TNRC6C: variants seen among roughly 807,000 people sequenced by gnomAD.
The protein encoded by TNRC6C is trinucleotide repeat containing adaptor 6C.
TNRC6C carries 20 observed loss-of-function variants against 153.7 expected under a neutral mutation model. The observed-to-expected ratio is 0.13, with a 90% confidence interval of 0.09 to 0.19. TNRC6C has a LOEUF of 0.19. Ranked by LOEUF, TNRC6C falls within the 10% of genes least tolerant of loss-of-function variation. The pLI is 1.00. For missense variants in TNRC6C, 1,987 were observed against 2,172.0 expected (o/e 0.91, Z 1.69); for synonymous variants, 811 against 841.4 (o/e 0.96, Z 0.63).
chr17:78,010,867 T>C (rs2071615495), intron 1 of TNRC6C, among the ~76,000 whole-genome samples: 1 of 152,226 alleles, frequency 6.6e-6, no homozygotes, highest in African/African-American at 2.4e-5. Flanking sequence ...GGTAAAAATG[T>C]ATTGCCAGAA....
chr17:78,074,991 GC>G lies in TNRC6C; in HGVS notation c.2918-144del, dbSNP rs1467014485. ...CCTTGTTGGGCTCAGCCCTAGCAAA[GC>G]AAGGGCTCTCTCTGCCCCTGGCTTC... On this transcript the variant is annotated intron_variant, in intron 7 of 19. Coordinates refer to ENST00000301624, the Ensembl canonical transcript of TNRC6C. 6.3e-6 allele frequency: 7 copies of G among 1,112,612 alleles called. No homozygotes were observed. In the African/African-American group the frequency reaches 1.1e-4, roughly 18 times the overall value. 68.9% of individuals were successfully genotyped at this position (1,112,612 alleles called of 1,614,324 possible).
chr17:77,985,601 C>CAAAAAAAAAAAAAAAAAAAAAAAAAAAAA (rs1229331703), intron 1 of TNRC6C, among the ~76,000 whole-genome samples: 1 of 96,244 alleles, frequency 1.0e-5, no homozygotes, highest in African/African-American at 4.2e-5. Context: ...GACTCCGTCT[C>CAAAAAAAAAAAAAAAAAAAAAAAAAAAAA]AAAAAAAAAA....
intron 11 of TNRC6C, among the ~76,000 whole-genome samples, chr17:78,083,793 T>C (rs571567947): frequency 6.6e-6 from 1 of 152,350 alleles, no homozygotes; most frequent in Non-Finnish European, 1.5e-5. Flanking sequence ...CTTGAAAGTT[T>C]TGTAGCTTCA....
chr17:78,001,707 A>G (rs747918039), upstream of TNRC6C, among the ~76,000 whole-genome samples: 33 of 152,336 alleles, frequency 2.2e-4, 1 homozygote, highest in South Asian at 8.3e-4. Flanking sequence ...GTTTAAGTAT[A>G]TATGTTTTTA....
At chr17:77,966,160 C>T (rs946285594) in intron 1 of TNRC6C, among the ~76,000 whole-genome samples, 2 of 152,086 alleles carry the variant, frequency 1.3e-5, no homozygotes, top group African/African-American at 2.4e-5. Flanking sequence ...ATAGTAGGGA[C>T]GGGATATAGT....
chr17:78,018,034 T>C (rs891337627), intron 1 of TNRC6C, among the ~76,000 whole-genome samples: 1 of 152,242 alleles, frequency 6.6e-6, no homozygotes, highest in Non-Finnish European at 1.5e-5. Context: ...GTGAAATCAT[T>C]TTAAAGATAA....
intron 2 of TNRC6C, among the ~76,000 whole-genome samples, chr17:78,039,348 A>G (rs1198113842): frequency 9.0e-6 from 1 of 111,000 alleles, no homozygotes; most frequent in African/African-American, 3.7e-5. Flanking sequence ...CAGGTCAGCC[A>G]TCCCCTCTGT....
At chr17:78,062,945 TTA>T (rs2072797112) in intron 3 of TNRC6C, among the ~76,000 whole-genome samples, 1 of 152,122 alleles carries the variant, frequency 6.6e-6, no homozygotes, top group Admixed American at 6.5e-5. Context: ...ACAGAAGACA[TTA>T]TTAAGAAAAT....
At chr17:78,045,395 C>T (rs1215661164) in intron 2 of TNRC6C, among the ~76,000 whole-genome samples, 1 of 152,092 alleles carries the variant, frequency 6.6e-6, no homozygotes, top group Admixed American at 6.5e-5. Context: ...GTAGAAGTGA[C>T]TTTGCTTCCT....
At chr17:77,990,226 T>TAA (rs2071229052) in intron 1 of TNRC6C, among the ~76,000 whole-genome samples, 1 of 152,206 alleles carries the variant, frequency 6.6e-6, no homozygotes, top group African/African-American at 2.4e-5. Context: ...TCTAAACTCT[T>TAA]ATATTGACTG....
Position 78,075,433 on chromosome 17 carries a change from T to C in TNRC6C, c.3060+155T>C, listed in dbSNP as rs544611728. 2 of 848,904 alleles carry C rather than the reference T, an allele frequency of 2.4e-6. No individual in the cohort carries two copies. The highest frequency in any genetic ancestry group is 5.9e-5 in the Admixed American group (2 of 34,082). The allele number at this position is 848,904 out of a possible 1,614,324, so 52.6% of individuals were successfully genotyped here. A position where few individuals can be genotyped will look rare whatever the true frequency, so the allele number is the denominator to read the frequency against. On this transcript the variant is annotated intron_variant, in intron 8 of 19. Transcript: ENST00000301624. This position sits in a 1 kb window ranked among gnomAD's most constrained non-coding sequence, Gnocchi z 4.2. Reference sequence around the variant, plus strand: ...TTTTCTAACATTATGAACATTTAACTCAAAGAAGGGAATGTCGTATTTCAT... The same window carrying C: ...TTTTCTAACATTATGAACATTTAACCCAAAGAAGGGAATGTCGTATTTCAT...
intron 6 of TNRC6C, among the ~76,000 whole-genome samples, chr17:78,071,788 T>C (rs1267623668): frequency 2.0e-5 from 3 of 152,246 alleles, no homozygotes; most frequent in Non-Finnish European, 4.4e-5. Flanking sequence ...ATAGAGTATA[T>C]TGACAGAGAT....
chr17:78,089,374 T>A (rs954726124), intron 13 of TNRC6C, among the ~76,000 whole-genome samples: 1 of 152,254 alleles, frequency 6.6e-6, no homozygotes, highest in Non-Finnish European at 1.5e-5. Flanking sequence ...TTTTATAATA[T>A]TCACAGTAAA....
At chr17:78,000,617 C>CT (rs2071396355), upstream of TNRC6C, among the ~76,000 whole-genome samples, 1 of 37,764 alleles carries the variant, frequency 2.6e-5, no homozygotes, top group Non-Finnish European at 7.6e-5. Flanking sequence ...TTTCTCCCTC[C>CT]GCCCCCCCCC....
intron 10 of TNRC6C, among the ~76,000 whole-genome samples, chr17:78,081,325 T>C (rs1293816916): frequency 1.3e-5 from 2 of 151,854 alleles, no homozygotes; most frequent in East Asian, 3.9e-4. Context: ...AATGCTAGCA[T>C]ACGAAAAAGA....
intron 5 of TNRC6C, among the ~76,000 whole-genome samples, chr17:78,070,609 A>C (rs1248889386): frequency 6.6e-6 from 1 of 152,150 alleles, no homozygotes; most frequent in Non-Finnish European, 1.5e-5. Context: ...AGTAACAAAT[A>C]GTTAATAAAA....
In TNRC6C at chr17:78,084,646, G is replaced by A. The variant is rs186165089; in HGVS notation, c.3477+1480G>A. Among the ~76,000 whole-genome samples the A allele has an allele frequency of 2.4e-3, 345 of 145,166 alleles. 1 individual carries two copies. The highest frequency in any genetic ancestry group is 7.9e-3 in the African/African-American group (308 of 39,202). ...CTTTTTTTTTTTTTTTTGAGACGGC[G>A]TCTTGCTAGTCTTGCTCTGTTGCCC... On this transcript the variant is annotated intron_variant, in intron 11 of 19. Coordinates refer to ENST00000301624, the Ensembl canonical transcript of TNRC6C.
At chr17:78,007,834 A>C (rs2071549666) in intron 1 of TNRC6C, among the ~76,000 whole-genome samples, 2 of 152,242 alleles carry the variant, frequency 1.3e-5, no homozygotes, top group South Asian at 4.1e-4. Context: ...AGACCAAATC[A>C]ATTAGAAATT....
At chr17:78,012,601 C>A (rs150371427) in intron 1 of TNRC6C, among the ~76,000 whole-genome samples, 1 of 152,302 alleles carries the variant, frequency 6.6e-6, no homozygotes, top group Admixed American at 6.5e-5. Flanking sequence ...ATAAAATGTT[C>A]TGGGCATTGT....
Sources: allele counts gnomAD v4.1 joint callset (sites outside exome capture counted in the v4.1 genomes callset), GRCh38; gene constraint gnomAD v4.1.1; non-coding constraint Gnocchi (gnomAD v3.1); transcripts MANE v1.5; gene names NCBI Gene and HGNC (gene_info 2026-07-23, HGNC 2026-07-21).